PIBF1: variants seen among roughly 807,000 people sequenced by gnomAD.
PIBF1 encodes progesterone-induced-blocking factor 1.
A neutral mutation model predicts 112.5 loss-of-function variants in PIBF1; 90 were observed. The ratio of observed to expected loss-of-function variants is 0.80; its 90% confidence interval spans 0.67 to 0.95. The LOEUF (loss-of-function observed/expected upper bound fraction) is 0.95. Ranked by LOEUF, PIBF1 falls within the 40% of genes least tolerant of loss-of-function variation. PIBF1 has a pLI of 0.00. For synonymous variants in PIBF1, 301 were observed against 288.6 expected, an observed-to-expected ratio of 1.04 and a Z score of -0.44; for missense variants, 915 against 852.3, an observed-to-expected ratio of 1.07 and a Z score of -0.92.
At chr13:72,995,115 G>A (rs983106315) in intron 16 of PIBF1, among the ~76,000 whole-genome samples, 1 of 151,824 alleles carries the variant, frequency 6.6e-6, no homozygotes, top group Non-Finnish European at 1.5e-5. Context: ...GCCTGGCCAA[G>A]ATGGTGAAAC....
rs71099767 is a variant in PIBF1, at chr13:72,904,433, C to CTTTTTTT, written c.1489-4079_1489-4073dup. 4.6e-3 allele frequency among the ~76,000 whole-genome samples: 169 copies of CTTTTTTT among 36,554 alleles called. 37 individuals are homozygous for CTTTTTTT. Among genetic ancestry groups the CTTTTTTT allele is most frequent in the East Asian group, 0.04 (36 of 898 alleles). The allele number at this position is 36,554 out of a possible 152,430, so 24.0% of individuals were successfully genotyped here. A position where few individuals can be genotyped will look rare whatever the true frequency, so the allele number is the denominator to read the frequency against. ...ATTTATCCAAAATATCAAAATATTTCTTTTTTTTTTTTTTTTTTTTTTTTT... is the reference window on the plus strand; with the variant it reads ...ATTTATCCAAAATATCAAAATATTTCTTTTTTTTTTTTTTTTTTTTTTTTTTTTTTTT... On this transcript the variant is annotated intron_variant, in intron 11 of 17. Transcript: ENST00000326291.
At chr13:72,965,194 A>G (rs764504441) in intron 14 of PIBF1, 80 bp from the exon 15 acceptor site, 3 of 1,229,944 alleles carry the variant, frequency 2.4e-6, no homozygotes, top group East Asian at 2.3e-5. Flanking sequence ...TTTCTGTACT[A>G]TATTTGTGCT....
intron 10 of PIBF1, among the ~76,000 whole-genome samples, chr13:72,873,697 A>G (rs553412567): frequency 6.6e-6 from 1 of 152,256 alleles, no homozygotes; most frequent in Non-Finnish European, 1.5e-5. Flanking sequence ...CTGGCCTAAG[A>G]AAAACTTGAT....
chr13:72,900,984 T>C, intron 11 of PIBF1: 1 of 368,108 alleles, frequency 2.7e-6, no homozygotes, highest in Admixed American at 3.4e-5. Context: ...ATTGCGCCAT[T>C]CCGCTGCACC....
At chr13:72,954,652 T>C (rs112778755) in intron 14 of PIBF1, among the ~76,000 whole-genome samples, 1 of 152,240 alleles carries the variant, frequency 6.6e-6, no homozygotes, top group Admixed American at 6.5e-5. Flanking sequence ...CTGCCCAGCT[T>C]TGCTGTGGGA....
intron 15 of PIBF1, among the ~76,000 whole-genome samples, chr13:72,972,421 C>T (rs1261262484): frequency 6.6e-6 from 1 of 152,094 alleles, no homozygotes; most frequent in Non-Finnish European, 1.5e-5. Context: ...CCCAGCACTT[C>T]GGGAGGCCGA....
At chr13:72,867,377 A>G (rs2038971545) in intron 10 of PIBF1, among the ~76,000 whole-genome samples, 1 of 152,196 alleles carries the variant, frequency 6.6e-6, no homozygotes, top group Non-Finnish European at 1.5e-5. Flanking sequence ...CAGCCACATG[A>G]AAATGGACTA....
At chr13:72,975,054 CTT>C (rs568515289) in intron 16 of PIBF1, among the ~76,000 whole-genome samples, 106 of 135,938 alleles carry the variant, frequency 7.8e-4, no homozygotes, top group Middle Eastern at 7.5e-3. Flanking sequence ...GAAAAAGAAA[CTT>C]TTTTTTTTTT....
intron 2 of PIBF1, among the ~76,000 whole-genome samples, chr13:72,790,016 G>A (rs2034815510): frequency 6.6e-6 from 1 of 152,174 alleles, no homozygotes; most frequent in Admixed American, 6.5e-5. Flanking sequence ...ATATGACAGA[G>A]GTCCCCCTTC....
At chr13:72,834,087 AGAAAGTAT>A (rs1266962656) in intron 8 of PIBF1, among the ~76,000 whole-genome samples, 4 of 152,138 alleles carry the variant, frequency 2.6e-5, no homozygotes, top group Non-Finnish European at 5.9e-5. Flanking sequence ...ATTTTTTTAA[AGAAAGTAT>A]GAAAGTATCT....
At chr13:72,802,852 G>A (rs1050560323) in intron 5 of PIBF1, among the ~76,000 whole-genome samples, 1 of 152,104 alleles carries the variant, frequency 6.6e-6, no homozygotes, top group African/African-American at 2.4e-5. Context: ...GAGCTCCAGG[G>A]CACTTCAACA....
At chr13:72,802,752 A>G (rs1033747792) in intron 5 of PIBF1, among the ~76,000 whole-genome samples, 38 of 152,292 alleles carry the variant, frequency 2.5e-4, no homozygotes, top group African/African-American at 8.4e-4. Context: ...ATAAGCATTC[A>G]AGAGTCATCA....
intron 8 of PIBF1, among the ~76,000 whole-genome samples, chr13:72,834,728 C>G (rs2037278020): frequency 6.6e-6 from 1 of 152,134 alleles, no homozygotes; most frequent in South Asian, 2.1e-4. Context: ...TTTTTCCTAG[C>G]CTGTAGTAGT....
chr13:72,796,074 G>A (rs1389592199), intron 4 of PIBF1, among the ~76,000 whole-genome samples: 7 of 152,118 alleles, frequency 4.6e-5, no homozygotes. Flanking sequence ...ATGAGTGTTT[G>A]TTTATATGGG....
chr13:72,975,105 G>A (rs1385768656), intron 16 of PIBF1, among the ~76,000 whole-genome samples: 2 of 150,574 alleles, frequency 1.3e-5, no homozygotes, highest in Non-Finnish European at 2.9e-5. Context: ...ACCCAGGCTG[G>A]AGTGCAGTGG....
At chr13:72,903,812 G>T (rs1214181350) in intron 11 of PIBF1, among the ~76,000 whole-genome samples, 3 of 152,098 alleles carry the variant, frequency 2.0e-5, no homozygotes, top group African/African-American at 4.8e-5. Flanking sequence ...GTAGGGATTG[G>T]CCTGTGGGCT....
chr13:72,793,448 C>A lies in PIBF1; in HGVS notation c.353+901C>A, dbSNP rs116257165. On this transcript the variant is annotated intron_variant, in intron 3 of 17. Transcript: ENST00000326291. Reference sequence around the variant, plus strand: ...CTTGTTAAAGAAGCCTACTGGATCCCACCCTCAGAGTTTCTGACTTGTGGG... The same window carrying A: ...CTTGTTAAAGAAGCCTACTGGATCCAACCCTCAGAGTTTCTGACTTGTGGG... 5.3e-3 allele frequency among the ~76,000 whole-genome samples: 811 copies of A among 152,244 alleles called. 15 individuals carry two copies. The highest frequency in any genetic ancestry group is 0.018 in the African/African-American group (761 of 41,534).
At chr13:72,860,760 A>G (rs1340259076) in intron 10 of PIBF1, among the ~76,000 whole-genome samples, 4 of 152,202 alleles carry the variant, frequency 2.6e-5, no homozygotes, top group Non-Finnish European at 5.9e-5. Flanking sequence ...CCATTTTTCA[A>G]ACGAGTGAAA....
At chr13:72,807,144 A>G (rs964042084) in intron 5 of PIBF1, among the ~76,000 whole-genome samples, 3 of 150,914 alleles carry the variant, frequency 2.0e-5, no homozygotes, top group African/African-American at 7.3e-5. Flanking sequence ...TTCTCAGGAA[A>G]TTGTTTTCTC....
Sources: allele counts gnomAD v4.1 joint callset (sites outside exome capture counted in the v4.1 genomes callset), GRCh38; gene constraint gnomAD v4.1.1; transcripts MANE v1.5; gene names NCBI Gene and HGNC (gene_info 2026-07-23, HGNC 2026-07-21).